Variants in NWD2 observed in about 807,000 individuals in gnomAD.
NWD2 encodes the protein NACHT and WD repeat domain containing 2, also known as NACHT and WD repeat domain-containing protein 2.
Under a neutral mutation model 132.7 loss-of-function variants are expected in NWD2, and 37 were observed. That is an observed-to-expected ratio of 0.28 (90% CI 0.21 to 0.37). The LOEUF is 0.37. NWD2 is among the 10% of genes least tolerant of loss of function. The probability of loss-of-function intolerance (pLI) is 1.00; values close to 1 mark genes in which losing one functional copy is unlikely to be tolerated. For missense variants in NWD2, 1,592 were observed against 2,122.4 expected, an observed-to-expected ratio of 0.75 and a Z score of 4.91; for synonymous variants, 705 against 803.0, an observed-to-expected ratio of 0.88 and a Z score of 2.06.
At chr4:37,339,765 G>A (rs1297260731) in intron 2 of NWD2, among the ~76,000 whole-genome samples, 10 of 152,232 alleles carry the variant, frequency 6.6e-5, no homozygotes, top group Admixed American at 6.5e-4. Context: ...TTTTAGCATA[G>A]CCATCACCCA....
At chr4:37,425,835 C>G (rs1485525832) in intron 3 of NWD2, among the ~76,000 whole-genome samples, 4 of 152,172 alleles carry the variant, frequency 2.6e-5, no homozygotes, top group Admixed American at 6.5e-5. Flanking sequence ...AGAAGGATGC[C>G]TTCTTGCTCA....
intron 1 of NWD2, among the ~76,000 whole-genome samples, chr4:37,294,372 T>C (rs976309002): frequency 2.6e-5 from 4 of 152,164 alleles, no homozygotes; most frequent in Non-Finnish European, 4.4e-5. Context: ...ATGTCTGCTT[T>C]TATATGCCCC....
At chr4:37,337,315 G>A (rs1018383108) in intron 2 of NWD2, among the ~76,000 whole-genome samples, 38 of 152,170 alleles carry the variant, frequency 2.5e-4, no homozygotes, top group African/African-American at 8.4e-4. Flanking sequence ...AAAAGAAATT[G>A]CCCAAACACG....
intron 1 of NWD2, among the ~76,000 whole-genome samples, chr4:37,302,206 G>A (rs1409812330): frequency 6.6e-6 from 1 of 151,830 alleles, no homozygotes; most frequent in Non-Finnish European, 1.5e-5. Flanking sequence ...GTGTGAACAT[G>A]CATTCTTTAT....
chr4:37,434,596 A>G (rs1480268932), intron 5 of NWD2, among the ~76,000 whole-genome samples: 1 of 152,126 alleles, frequency 6.6e-6, no homozygotes, highest in East Asian at 1.9e-4. Flanking sequence ...CCAGATTTAG[A>G]TGAGGTGGGC....
At chr4:37,258,338 G>A (rs1352925116) in intron 1 of NWD2, among the ~76,000 whole-genome samples, 5 of 152,200 alleles carry the variant, frequency 3.3e-5, no homozygotes, top group African/African-American at 1.2e-4. Context: ...AATGGTTATT[G>A]AAAGCTCACA....
intron 1 of NWD2, among the ~76,000 whole-genome samples, chr4:37,253,003 C>A (rs1396311631): frequency 1.0e-5 from 1 of 97,686 alleles, no homozygotes; most frequent in East Asian, 3.3e-4. Flanking sequence ...TTACCACAAC[C>A]CCCCCCCCTT....
Position 37,433,653 on chromosome 4 carries a change from G to A in NWD2, c.562-223G>A, listed in dbSNP as rs144498541. On this transcript the variant is annotated intron_variant, in intron 4 of 6. Coordinates refer to ENST00000309447, the MANE Select transcript of NWD2 (RefSeq NM_001144990.2). ...TATAAGAAAGTCTGACAAACACACC[G>A]TATTTGGATCACACCCTTGTGTAAC... 7.0e-3 allele frequency among the ~76,000 whole-genome samples: 1,071 copies of A among 152,242 alleles called. 43 individuals are homozygous for A. The highest frequency in any genetic ancestry group is 0.056 in the Admixed American group (856 of 15,274).
At chr4:37,278,056 G>C (rs148868653) in intron 1 of NWD2, among the ~76,000 whole-genome samples, 123 of 152,048 alleles carry the variant, frequency 8.1e-4, no homozygotes, top group Middle Eastern at 3.4e-3. Context: ...GTGTAGTTTG[G>C]TGGTGAGAGG....
chr4:37,295,147 A>C (rs550816451), intron 1 of NWD2, among the ~76,000 whole-genome samples: 1 of 152,330 alleles, frequency 6.6e-6, no homozygotes, highest in Admixed American at 6.5e-5. Context: ...AGGAAAAGGT[A>C]AGGCAGCTTC....
chr4:37,441,547 T>C (rs528757654), intron 6 of NWD2, among the ~76,000 whole-genome samples: 11 of 152,350 alleles, frequency 7.2e-5, no homozygotes, highest in Admixed American at 6.5e-4. Flanking sequence ...TGGGATGTGC[T>C]GATTCCCTGC....
intron 3 of NWD2, among the ~76,000 whole-genome samples, chr4:37,416,857 C>A (rs1711627604): frequency 6.8e-6 from 1 of 147,736 alleles, no homozygotes; most frequent in South Asian, 2.2e-4. Flanking sequence ...AAATGGAAAA[C>A]CAAACATCAT....
intron 3 of NWD2, among the ~76,000 whole-genome samples, chr4:37,420,723 G>A (rs1464362251): frequency 6.6e-6 from 1 of 152,014 alleles, no homozygotes; most frequent in East Asian, 1.9e-4. Context: ...GGCACAAAAG[G>A]AGCAGGGACC....
At chr4:37,394,686 G>A (rs1191978933) in intron 3 of NWD2, among the ~76,000 whole-genome samples, 3 of 150,156 alleles carry the variant, frequency 2.0e-5, no homozygotes, top group African/African-American at 7.4e-5. Flanking sequence ...ACTAACTAGT[G>A]TTTGCAGTAG....
chr4:37,312,825 A>T (rs1245075283), intron 1 of NWD2, among the ~76,000 whole-genome samples: 1 of 151,168 alleles, frequency 6.6e-6, no homozygotes. Flanking sequence ...ACTTATTGAG[A>T]GTTTTTAGCA....
At chr4:37,392,665 C>A (rs1008386599) in intron 3 of NWD2, among the ~76,000 whole-genome samples, 1 of 152,150 alleles carries the variant, frequency 6.6e-6, no homozygotes, top group Non-Finnish European at 1.5e-5. Flanking sequence ...AGGGAGTCAC[C>A]AGCAGTGGAC....
Position 37,244,805 on chromosome 4 carries a change from G to C in NWD2, c.-263G>C, listed in dbSNP as rs1056564676. On this transcript the variant is annotated 5_prime_UTR_variant, in exon 1 of 7. Transcript: ENST00000309447. The surrounding 1 kb of genome is among the most constrained non-coding windows in gnomAD (Gnocchi z 5.5). ...CTCCCGCTCCAGCTGGCTGCTGCTC[G>C]GAGCCCTAGCAGCGGGCGAAGGCGG... 1 of 435,968 alleles carries C rather than the reference G, an allele frequency of 2.3e-6. No homozygotes were observed. Among genetic ancestry groups the C allele is most frequent in the Non-Finnish European group, 4.1e-6 (1 of 246,482 alleles). 27.0% of individuals were successfully genotyped at this position (435,968 alleles called of 1,614,324 possible).
At chr4:37,349,704 T>C (rs919552653) in intron 2 of NWD2, among the ~76,000 whole-genome samples, 3 of 152,250 alleles carry the variant, frequency 2.0e-5, no homozygotes, top group African/African-American at 7.2e-5. Context: ...ATCCTATTTG[T>C]CAATTTTGGC....
At chr4:37,337,059 A>T (rs1370752590) in intron 2 of NWD2, among the ~76,000 whole-genome samples, 2 of 152,082 alleles carry the variant, frequency 1.3e-5, no homozygotes, top group African/African-American at 4.8e-5. Flanking sequence ...ATATAACCTG[A>T]AATAAATACT....
Sources: allele counts gnomAD v4.1 joint callset (sites outside exome capture counted in the v4.1 genomes callset), GRCh38; gene constraint gnomAD v4.1.1; non-coding constraint Gnocchi (gnomAD v3.1); transcripts MANE v1.5; gene names NCBI Gene and HGNC (gene_info 2026-07-23, HGNC 2026-07-21).